The following NAPEPLD variants were observed in gnomAD, a reference collection of about 807,000 sequenced individuals.
The protein encoded by NAPEPLD is N-acyl-phosphatidylethanolamine-hydrolyzing phospholipase D.
NAPEPLD carries 23 observed loss-of-function variants against 38.1 expected under a neutral mutation model. That is an observed-to-expected ratio of 0.60 (90% CI 0.43 to 0.86). The LOEUF is 0.86. Among genes scored for constraint, NAPEPLD ranks in the 40% least tolerant of loss-of-function variants. The pLI is 0.00. For synonymous variants in NAPEPLD, 147 were observed against 162.0 expected, an observed-to-expected ratio of 0.91 and a Z score of 0.71; for missense variants, 411 against 476.8, an observed-to-expected ratio of 0.86 and a Z score of 1.28.
chr7:103,148,084 G>A (rs1812947963), intron 1 of NAPEPLD: 1 of 984,836 alleles, frequency 1.0e-6, no homozygotes, highest in African/African-American at 1.7e-5. Context: ...CATGTCTGCG[G>A]CTAATTCATA....
Position 103,141,237 on chromosome 7 carries a change from GTTGTTTTTTTT to G in NAPEPLD, c.-17+7563_-17+7573del, listed in dbSNP as rs1459526560. 1.5e-3 allele frequency: 116 copies of G among 79,028 alleles called. No homozygotes were observed. The East Asian group carries it at 0.022, about 15-fold the overall frequency. The allele number at this position is 79,028 out of a possible 1,614,324, so 4.9% of individuals were successfully genotyped here. The stretch of plus-strand genomic sequence containing the variant: ...AATGTACATCAGAATTACCTGTGGA[GTTGTTTTTTTT>G]TTTTTTTTTTTTTTTTTGCAAGCAG... On this transcript the variant is annotated intron_variant, in intron 1 of 4. Transcript: ENST00000465647.
At chr7:103,141,878 T>C (rs1811469360) in intron 1 of NAPEPLD, 4 of 1,026,716 alleles carry the variant, frequency 3.9e-6, no homozygotes, top group South Asian at 3.8e-5. Context: ...TAACCAGATA[T>C]TCTTCTTGCC....
chr7:103,110,326 T>A (rs902600386), intron 4 of NAPEPLD, among the ~76,000 whole-genome samples: 3 of 152,166 alleles, frequency 2.0e-5, no homozygotes, highest in African/African-American at 7.2e-5. Context: ...TGAACATCGA[T>A]GCGAAAATCC....
chr7:103,141,922 A>G, intron 1 of NAPEPLD: 1 of 991,880 alleles, frequency 1.0e-6, no homozygotes, highest in East Asian at 2.4e-5. Context: ...GCCTCTTCTG[A>G]AGCCTGAGCA....
At chr7:103,107,323 A>T (rs1803567513) in intron 4 of NAPEPLD, among the ~76,000 whole-genome samples, 1 of 152,176 alleles carries the variant, frequency 6.6e-6, no homozygotes, top group South Asian at 2.1e-4. Context: ...GAAAACTCCA[A>T]AAACCATAAC....
At chr7:103,135,586 G>A (rs1226097918) in intron 1 of NAPEPLD, among the ~76,000 whole-genome samples, 1 of 152,030 alleles carries the variant, frequency 6.6e-6, no homozygotes, top group African/African-American at 2.4e-5. Flanking sequence ...TATTGACTTA[G>A]CAAAACAACC....
Position 103,103,468 on chromosome 7 carries a change from T to C in NAPEPLD, c.1143A>G (p.Gly381=), listed in dbSNP as rs775245799. 3.8e-6 allele frequency: 6 copies of C among 1,591,078 alleles called. No individual in the cohort carries two copies. ...CATCATTATTTAGGTATCTTGATTC[T>C]CCATGCTTCAAGACAAAAAAATCTT... ...NAEDFFVLKH[G]ESRYLNNDDE... The change falls in exon 5 of 5, where the codon GGA becomes GGG. Residue 381 remains glycine, a synonymous_variant. Coordinates refer to ENST00000465647, the MANE Select transcript of NAPEPLD (RefSeq NM_001122838.3).
rs764807728 is a variant in NAPEPLD, at chr7:103,119,978, C to T, written c.540G>A (p.Ala180=). 12 of 1,614,024 alleles carry T rather than the reference C, an allele frequency of 7.4e-6. No individual in the cohort carries two copies. The highest frequency in any genetic ancestry group is 1.7e-5 in the Admixed American group (1 of 59,982). ...CTISELPPID[A]VLISHNHYDH... ...CATAGTGGTTGTGACTGATAAGGAC[C>T]GCATCTATTGGAGGGAGTTCACTTA... The change falls in exon 3 of 5, where the codon GCG becomes GCA. Residue 180 remains alanine, a synonymous_variant. Coordinates refer to ENST00000465647, the MANE Select transcript of NAPEPLD (RefSeq NM_001122838.3).
intron 2 of NAPEPLD, 69 bp from the exon 3 acceptor site, chr7:103,120,292 AT>A: frequency 6.7e-7 from 1 of 1,486,822 alleles, no homozygotes; most frequent in South Asian, 1.3e-5. Flanking sequence ...CATAGTCCAC[AT>A]TTTGACCTAA....
intron 3 of NAPEPLD, among the ~76,000 whole-genome samples, chr7:103,118,448 G>A (rs903805070): frequency 6.6e-6 from 1 of 152,014 alleles, no homozygotes; most frequent in Non-Finnish European, 1.5e-5. Context: ...AACAAAAAGG[G>A]ATAAATAAGC....
intron 2 of NAPEPLD, among the ~76,000 whole-genome samples, chr7:103,125,622 C>T (rs1807595453): frequency 6.6e-6 from 1 of 152,130 alleles, no homozygotes; most frequent in Non-Finnish European, 1.5e-5. Context: ...GTGGCTCATG[C>T]CTGTAATCCC....
At chr7:103,130,058 CA>C (rs1399827869) in intron 1 of NAPEPLD, among the ~76,000 whole-genome samples, 1 of 152,190 alleles carries the variant, frequency 6.6e-6, no homozygotes, top group Admixed American at 6.5e-5. Context: ...TTCTGTTAAA[CA>C]TTTGCTTTCT....
chr7:103,116,344 A>G (rs1393571353), intron 3 of NAPEPLD, among the ~76,000 whole-genome samples: 6 of 152,118 alleles, frequency 3.9e-5, no homozygotes, highest in African/African-American at 1.4e-4. Context: ...CACAGACGTG[A>G]GCCACCGCGC....
At chr7:103,148,068 G>A (rs1393541205) in intron 1 of NAPEPLD, 1 of 984,666 alleles carries the variant, frequency 1.0e-6, no homozygotes, top group East Asian at 1.1e-4. Context: ...CTTTCTAAAC[G>A]ATGTCCATGT....
chr7:103,105,803 G>A (rs1803193362), intron 4 of NAPEPLD, among the ~76,000 whole-genome samples: 2 of 151,938 alleles, frequency 1.3e-5, no homozygotes, highest in Non-Finnish European at 2.9e-5. Context: ...CATAGTGGCC[G>A]GCACCTGTAA....
At chr7:103,132,289 T>C (rs1223779064) in intron 1 of NAPEPLD, among the ~76,000 whole-genome samples, 1 of 152,152 alleles carries the variant, frequency 6.6e-6, no homozygotes. Flanking sequence ...CACTTTTTAA[T>C]AGTGAATAGC....
intron 1 of NAPEPLD, 93 bp from the exon 2 acceptor site, chr7:103,128,885 T>C: frequency 7.7e-7 from 1 of 1,292,658 alleles, no homozygotes; most frequent in South Asian, 1.5e-5. Context: ...AAAATTTCTC[T>C]AAACTTATAA....
intron 1 of NAPEPLD, among the ~76,000 whole-genome samples, chr7:103,133,509 A>G (rs1809411471): frequency 6.6e-6 from 1 of 152,230 alleles, no homozygotes; most frequent in South Asian, 2.1e-4. Context: ...CCAGTGACAA[A>G]GGAGCCTCAG....
At chr7:103,134,338 T>C (rs1809588569) in intron 1 of NAPEPLD, among the ~76,000 whole-genome samples, 1 of 152,214 alleles carries the variant, frequency 6.6e-6, no homozygotes, top group African/African-American at 2.4e-5. Flanking sequence ...CTGTGACAAT[T>C]GTATTTTAAA....
Sources: allele counts gnomAD v4.1 joint callset (sites outside exome capture counted in the v4.1 genomes callset), GRCh38; gene constraint gnomAD v4.1.1; transcripts MANE v1.5; gene names NCBI Gene and HGNC (gene_info 2026-07-23, HGNC 2026-07-21).